The following ERBIN variants were observed in gnomAD, a reference collection of about 807,000 sequenced individuals.
The protein encoded by ERBIN is erbb2 interacting protein, also known as densin-180-like protein.
ERBIN carries 60 observed loss-of-function variants against 158.4 expected under a neutral mutation model. That is an observed-to-expected ratio of 0.38 (90% CI 0.31 to 0.47). ERBIN has a LOEUF of 0.47. ERBIN is among the 20% of genes least tolerant of loss of function. The pLI is 0.99. For missense variants in ERBIN, 1,610 were observed against 1,648.0 expected, an observed-to-expected ratio of 0.98 and a Z score of 0.40; for synonymous variants, 594 against 557.2, an observed-to-expected ratio of 1.07 and a Z score of -0.93.
In ERBIN at chr5:65,930,763, T is replaced by C. The variant is rs533698564; in HGVS notation, c.-58+3957T>C. Among the ~76,000 whole-genome samples, 195 of 152,366 alleles carry C rather than the reference T, an allele frequency of 1.3e-3. 1 individual carries two copies. In the South Asian group the frequency reaches 0.014, roughly 11 times the overall value. On this transcript the variant is annotated intron_variant, in intron 1 of 25. Coordinates refer to ENST00000284037, the MANE Select transcript of ERBIN (RefSeq NM_001253697.2). ...TTGTTTTATTATACTTTTGGCCTCTTAAAACATACAGATATATTTCTCTGT... is the reference window on the plus strand; with the variant it reads ...TTGTTTTATTATACTTTTGGCCTCTCAAAACATACAGATATATTTCTCTGT...
At chr5:65,996,253 T>TG (rs1752425512) in intron 4 of ERBIN, among the ~76,000 whole-genome samples, 5 of 148,750 alleles carry the variant, frequency 3.4e-5, no homozygotes, top group African/African-American at 1.3e-4. Flanking sequence ...AGTTTTTTTT[T>TG]TTTTTTTTTT....
At chr5:65,930,331 A>G (rs1161248195) in intron 1 of ERBIN, among the ~76,000 whole-genome samples, 1 of 152,000 alleles carries the variant, frequency 6.6e-6, no homozygotes, top group African/African-American at 2.4e-5. Context: ...TTTGAGATGG[A>G]GTCTTGCTCT....
chr5:65,929,179 C>G (rs1051419138), intron 1 of ERBIN, among the ~76,000 whole-genome samples: 1 of 152,138 alleles, frequency 6.6e-6, no homozygotes, highest in South Asian at 2.1e-4. Context: ...GAAGTGATAA[C>G]TATAGATACA....
chr5:65,960,104 A>G (rs538797277), intron 1 of ERBIN, among the ~76,000 whole-genome samples: 2 of 152,374 alleles, frequency 1.3e-5, no homozygotes, highest in South Asian at 4.1e-4. Context: ...AGCAGAAAGA[A>G]CAGATAAACA....
intron 20 of ERBIN, 69 bp downstream of exon 20, chr5:66,051,035 C>A: frequency 1.0e-6 from 1 of 975,160 alleles, no homozygotes; most frequent in Non-Finnish European, 1.5e-6. Context: ...ATAACAAATA[C>A]ATAAATATAT....
intron 7 of ERBIN, among the ~76,000 whole-genome samples, chr5:66,016,386 A>G (rs1561376605): frequency 6.6e-6 from 1 of 152,098 alleles, no homozygotes; most frequent in Non-Finnish European, 1.5e-5. Context: ...TTCAAATTAG[A>G]CTCTCAGTGA....
At chr5:66,007,955 A>G (rs1035998849) in intron 4 of ERBIN, among the ~76,000 whole-genome samples, 8 of 152,284 alleles carry the variant, frequency 5.3e-5, no homozygotes, top group African/African-American at 1.9e-4. Context: ...ATTGCTAGCA[A>G]TTTTCAAAAG....
intron 14 of ERBIN, among the ~76,000 whole-genome samples, chr5:66,034,014 C>T (rs1223771534): frequency 6.6e-6 from 1 of 151,058 alleles, no homozygotes; most frequent in Non-Finnish European, 1.5e-5. Flanking sequence ...GAGGCTGAGA[C>T]AGGAGAATTG....
chr5:65,957,420 C>CT (rs1219199199), intron 1 of ERBIN, among the ~76,000 whole-genome samples: 1 of 152,026 alleles, frequency 6.6e-6, no homozygotes, highest in African/African-American at 2.4e-5. Flanking sequence ...GGTGATGACT[C>CT]TTAACGAGCA....
At chr5:66,022,393 G>A (rs1169968540) in intron 8 of ERBIN, among the ~76,000 whole-genome samples, 1 of 152,140 alleles carries the variant, frequency 6.6e-6, no homozygotes, top group Non-Finnish European at 1.5e-5. Context: ...AAAACTTACA[G>A]TAGAATTTAA....
At chr5:65,981,168 A>C (rs943943955) in intron 1 of ERBIN, among the ~76,000 whole-genome samples, 1 of 152,224 alleles carries the variant, frequency 6.6e-6, no homozygotes, top group African/African-American at 2.4e-5. Flanking sequence ...GAAATTAAGG[A>C]AGTCAATTTT....
chr5:65,933,392 G>A (rs1220067409), intron 1 of ERBIN, among the ~76,000 whole-genome samples: 2 of 152,132 alleles, frequency 1.3e-5, no homozygotes, highest in South Asian at 2.1e-4. Flanking sequence ...AATATTTAAC[G>A]AGTTTCTCTT....
chr5:66,035,139 T>G (rs1010129534), intron 14 of ERBIN, among the ~76,000 whole-genome samples: 3 of 152,228 alleles, frequency 2.0e-5, no homozygotes, highest in African/African-American at 4.8e-5. Flanking sequence ...GTGCTTCTCA[T>G]GGTTACCCTA....
rs375914594 is a variant in ERBIN, at chr5:66,014,782, C to T, written c.533+57C>T. On this transcript the variant is annotated intron_variant, in intron 7 of 25. Coordinates refer to ENST00000284037, the MANE Select transcript of ERBIN (RefSeq NM_001253697.2). ...AATTTATAATTTTTAATGATTAAGT[C>T]TTTAAAAATGTAAATTTTTATTACC... 114 of 859,152 alleles carry T rather than the reference C, an allele frequency of 1.3e-4. 2 individuals are homozygous for T. In the East Asian group the frequency reaches 1.4e-3, roughly 10 times the overall value. The allele number at this position is 859,152 out of a possible 1,614,324, so 53.2% of individuals were successfully genotyped here.
chr5:66,010,136 C>G (rs1754053241), intron 4 of ERBIN, among the ~76,000 whole-genome samples: 1 of 152,050 alleles, frequency 6.6e-6, no homozygotes, highest in Non-Finnish European at 1.5e-5. Flanking sequence ...TCTCGTGGGT[C>G]CTTAGTCTTC....
intron 15 of ERBIN, among the ~76,000 whole-genome samples, chr5:66,040,852 AAAAG>A (rs1757856562): frequency 9.1e-6 from 1 of 110,120 alleles, no homozygotes; most frequent in Non-Finnish European, 2.4e-5. Flanking sequence ...ATTAAAAAAA[AAAAG>A]AGGAAAAAAA....
intron 1 of ERBIN, among the ~76,000 whole-genome samples, chr5:65,963,131 TAAC>T (rs1440172412): frequency 1.3e-5 from 2 of 152,228 alleles, no homozygotes; most frequent in Admixed American, 6.5e-5. Flanking sequence ...TTAATTAAAA[TAAC>T]TACTTTAGAA....
rs1309869218 is a variant in ERBIN, at chr5:65,938,281, G to A, written c.-58+11475G>A. Among the ~76,000 whole-genome samples the A allele has an allele frequency of 2.0e-5, 3 of 151,974 alleles. No homozygotes were observed. The East Asian group carries it at 5.8e-4, about 29-fold the overall frequency. On this transcript the variant is annotated intron_variant, in intron 1 of 25. Coordinates refer to ENST00000284037, the MANE Select transcript of ERBIN (RefSeq NM_001253697.2). ...TTTCATGTTTATTATCTACTATAGT[G>A]ATGACTTTTGAAGAATTGCTTTTAG...
chr5:65,943,078 CATT>C (rs1745266608), intron 1 of ERBIN, among the ~76,000 whole-genome samples: 1 of 152,158 alleles, frequency 6.6e-6, no homozygotes, highest in Non-Finnish European at 1.5e-5. Context: ...AATAGTGATA[CATT>C]ATTATTAGCT....
Sources: allele counts gnomAD v4.1 joint callset (sites outside exome capture counted in the v4.1 genomes callset), GRCh38; gene constraint gnomAD v4.1.1; transcripts MANE v1.5; gene names NCBI Gene and HGNC (gene_info 2026-07-23, HGNC 2026-07-21).